SLC9A7: variants seen among roughly 807,000 people sequenced by gnomAD.
SLC9A7 encodes sodium/hydrogen exchanger 7.
In SLC9A7, 19 loss-of-function variants were observed where a neutral mutation model predicts 52.6. The ratio of observed to expected loss-of-function variants is 0.36; its 90% CI spans 0.25 to 0.53. SLC9A7 has a LOEUF of 0.53. SLC9A7 is among the 20% of genes least tolerant of loss of function. The probability of loss-of-function intolerance (pLI) is 0.91; values close to 1 mark genes in which losing one functional copy is unlikely to be tolerated. For missense variants in SLC9A7, 455 were observed against 597.9 expected, an observed-to-expected ratio of 0.76 and a Z score of 2.49; for synonymous variants, 226 against 252.1, an observed-to-expected ratio of 0.90 and a Z score of 0.98.
At chrX:46,720,294 G>A (rs1306602616) in intron 1 of SLC9A7, among the ~76,000 whole-genome samples, 1 of 111,372 alleles carries the variant, frequency 9.0e-6, no homozygotes, top group East Asian at 2.8e-4. Flanking sequence ...GTGCCACTGA[G>A]TAGCACCTCA....
intron 11 of SLC9A7, among the ~76,000 whole-genome samples, chrX:46,644,618 C>T (rs899703882): frequency 1.0e-5 from 1 of 96,294 alleles, no homozygotes; most frequent in Non-Finnish European, 2.1e-5. Context: ...GCCTGGAGGA[C>T]AGAGCAAGGC....
chrX:46,659,906 G>A (rs914900312), intron 7 of SLC9A7, among the ~76,000 whole-genome samples: 4 of 108,813 alleles, frequency 3.7e-5, no homozygotes, highest in East Asian at 2.9e-4. Context: ...AAAAGAGCCT[G>A]CATCGCCAAG....
intron 1 of SLC9A7, among the ~76,000 whole-genome samples, chrX:46,747,484 T>C (rs1338119275): frequency 9.0e-6 from 1 of 111,437 alleles, no homozygotes; most frequent in African/African-American, 3.3e-5. Flanking sequence ...ATAAACAAAA[T>C]AATATTGTTT....
chrX:46,669,586 C>T lies in SLC9A7; in HGVS notation c.793+21G>A, dbSNP rs766048259. ...TAATGGAATATCATAATAATAAAGA[C>T]AAATACACAAAGCCAAATACCTGGG... On this transcript the variant is annotated intron_variant, in intron 5 of 16. Transcript: ENST00000616978. 3.4e-6 allele frequency: 3 copies of T among 870,647 alleles called. No individual in the cohort carries two copies. The South Asian group carries it at 7.3e-5, about 21-fold the overall frequency. The allele number at this position is 870,647 out of a possible 1,213,427, so 71.8% of individuals were successfully genotyped here.
In SLC9A7 at chrX:46,602,030, T is replaced by G. The variant is rs1021442226; in HGVS notation, c.*4922A>C. On this transcript the variant is annotated 3_prime_UTR_variant, in exon 17 of 17. Transcript: ENST00000616978. ...AAAATCTGACTCCAGAGGGGACTAT[T>G]AATTTAATTCCAGGTGAAATTAAAA... is the stretch of plus-strand genomic sequence containing the variant. 9.6e-6 allele frequency: 1 copy of G among 104,458 alleles called. No homozygotes were observed. Among genetic ancestry groups the G allele is most frequent in the African/African-American group, 3.4e-5 (1 of 29,462 alleles). The allele number at this position is 104,458 out of a possible 1,213,427, so 8.6% of individuals were successfully genotyped here.
At chrX:46,648,285 G>A in intron 11 of SLC9A7, among the ~76,000 whole-genome samples, 1 of 112,093 alleles carries the variant, frequency 8.9e-6, no homozygotes, top group Middle Eastern at 4.6e-3. Flanking sequence ...GGATACTGCG[G>A]CTGGGAGGTG....
At chrX:46,708,122 T>C (rs1159059743) in intron 1 of SLC9A7, among the ~76,000 whole-genome samples, 1 of 111,503 alleles carries the variant, frequency 9.0e-6, no homozygotes, top group East Asian at 2.8e-4. Flanking sequence ...CCAGCCTGGG[T>C]AACATAACAA....
Position 46,662,528 on chromosome X carries a change from T to C in SLC9A7, c.899+10A>G. On this transcript the variant is annotated intron_variant, in intron 6 of 16. Transcript: ENST00000616978. ...GGTGTCTCTTCTCCAGCAGAAACAC[T>C]GCTACTTACGAGGACAGTACAATGG... 3 of 1,176,494 alleles carry C rather than the reference T, an allele frequency of 2.5e-6. No individual in the cohort carries two copies. The highest frequency in any genetic ancestry group is 1.2e-6 in the Non-Finnish European group (1 of 864,914).
At chrX:46,650,322 C>A (rs1943560779) in intron 10 of SLC9A7, among the ~76,000 whole-genome samples, 1 of 111,639 alleles carries the variant, frequency 9.0e-6, no homozygotes, top group South Asian at 3.7e-4. Context: ...TATCTGAGGC[C>A]AAGTGAGCAA....
intron 1 of SLC9A7, among the ~76,000 whole-genome samples, chrX:46,733,957 C>A (rs776817938): frequency 1.8e-5 from 2 of 112,098 alleles, no homozygotes; most frequent in African/African-American, 6.5e-5. Context: ...GCAATTGTCA[C>A]ACTGGGGAAA....
intron 1 of SLC9A7, among the ~76,000 whole-genome samples, chrX:46,696,266 G>A (rs376440394): frequency 9.0e-6 from 1 of 111,049 alleles, no homozygotes; most frequent in Non-Finnish European, 1.9e-5. Context: ...GATTACAGAC[G>A]TGAGCGACTG....
intron 1 of SLC9A7, among the ~76,000 whole-genome samples, chrX:46,730,704 A>G (rs1169074134): frequency 6.5e-4 from 51 of 78,102 alleles, no homozygotes; most frequent in Non-Finnish European, 1.1e-3. Flanking sequence ...ATATATATAT[A>G]TATATAAAAT....
Position 46,635,588 on chromosome X carries a change from C to T in SLC9A7, c.1676+1G>A. ...TTTTTCTGAGGATGCCCTTGTGTCA[C>T]CTGAAGTACTGCCAGTGGTGTTCAT... is the stretch of plus-strand genomic sequence containing the variant. On this transcript the variant is annotated splice_donor_variant, in intron 13 of 16. Transcript: ENST00000616978. LOFTEE classifies it high-confidence loss of function. 2 of 1,206,480 alleles carry T rather than the reference C, an allele frequency of 1.7e-6. No individual in the cohort carries two copies. The highest frequency in any genetic ancestry group is 2.2e-6 in the Non-Finnish European group (2 of 891,292).
rs890721607 is a variant in SLC9A7 at position 46,703,259 on chromosome X, A to G, written c.326-20724T>C. Among the ~76,000 whole-genome samples the G allele has an allele frequency of 4.5e-5, 5 of 111,943 alleles. No individual in the cohort carries two copies. The East Asian group carries it at 1.4e-3, about 31-fold the overall frequency. On this transcript the variant is annotated intron_variant, in intron 1 of 16. Transcript: ENST00000616978. ...TTCTTTTGCTGTGCAGAAGCTCTTTAATCAGGTCCCACTTGCCTACTTTTG... is the reference window on the plus strand; with the variant it reads ...TTCTTTTGCTGTGCAGAAGCTCTTTGATCAGGTCCCACTTGCCTACTTTTG...
intron 1 of SLC9A7, among the ~76,000 whole-genome samples, chrX:46,746,150 C>A (rs2147013123): frequency 9.1e-6 from 1 of 110,048 alleles, no homozygotes; most frequent in South Asian, 3.8e-4. Context: ...CATGCAAAAC[C>A]CTATTTCTAC....
intron 1 of SLC9A7, among the ~76,000 whole-genome samples, chrX:46,733,185 T>C (rs1222419015): frequency 1.8e-5 from 2 of 111,997 alleles, no homozygotes; most frequent in Non-Finnish European, 3.8e-5. Flanking sequence ...CATGTAAATG[T>C]ATTAACTACT....
intron 12 of SLC9A7, among the ~76,000 whole-genome samples, chrX:46,640,471 A>G (rs1270978306): frequency 2.7e-5 from 3 of 112,333 alleles, no homozygotes; most frequent in African/African-American, 9.7e-5. Flanking sequence ...CGCAGAAGAA[A>G]TCTTCAGGCC....
chrX:46,643,087 A>T (rs750402278), intron 12 of SLC9A7, 149 bp downstream of exon 12: 15 of 472,453 alleles, frequency 3.2e-5, no homozygotes, highest in African/African-American at 1.2e-4. Context: ...TTATTGTTTT[A>T]AAAAAAATTG....
chrX:46,679,671 A>T lies in SLC9A7; in HGVS notation c.603+7T>A. Reference sequence around the variant, plus strand: ...TGATTTCAGAAATACTGGCAAAAACATCTTACCTTCTTTAAGCTGTATCCA... The same window carrying T: ...TGATTTCAGAAATACTGGCAAAAACTTCTTACCTTCTTTAAGCTGTATCCA... On this transcript the variant is annotated splice_region_variant and intron_variant, in intron 3 of 16. Coordinates refer to ENST00000616978, the MANE Select transcript of SLC9A7 (RefSeq NM_001257291.2). 1.7e-6 allele frequency: 2 copies of T among 1,173,409 alleles called. No homozygotes were observed. Among genetic ancestry groups the T allele is most frequent in the Non-Finnish European group, 2.3e-6 (2 of 866,992 alleles).
Sources: gnomAD v4.1 joint callset for allele counts (sites outside exome capture counted in the v4.1 genomes callset) on GRCh38, gnomAD v4.1.1 for gene constraint, MANE v1.5 for transcripts, NCBI Gene and HGNC (gene_info 2026-07-23, HGNC 2026-07-21) for gene names.